TRAFD1: variants seen among roughly 807,000 people sequenced by gnomAD.
TRAFD1 encodes the protein TRAF-type zinc finger domain containing 1.
In TRAFD1, 38 loss-of-function variants were observed where a neutral mutation model predicts 65.3. The ratio of observed to expected loss-of-function variants is 0.58; its 90% CI spans 0.45 to 0.76. TRAFD1 has a LOEUF of 0.76. TRAFD1 is among the 30% of genes least tolerant of loss of function. The probability of loss-of-function intolerance (pLI) is 0.00; values close to 1 mark genes in which losing one functional copy is unlikely to be tolerated. For synonymous variants in TRAFD1, 223 were observed against 257.2 expected, an observed-to-expected ratio of 0.87 and a Z score of 1.27; for missense variants, 631 against 712.6, an observed-to-expected ratio of 0.89 and a Z score of 1.30.
rs2079563304 is a variant in TRAFD1, at chr12:112,130,709, T to G, written c.47+140T>G. ...TCTATTTTGGTGTTTATAACCCACATGAATTACAAGAAAGAGCATCTCTTT... is the reference window on the plus strand; with the variant it reads ...TCTATTTTGGTGTTTATAACCCACAGGAATTACAAGAAAGAGCATCTCTTT... On this transcript the variant is annotated intron_variant, in intron 2 of 11. Transcript: ENST00000412615. This position sits in a 1 kb window ranked among gnomAD's most constrained non-coding sequence, Gnocchi z 4.4. 1.7e-6 allele frequency: 1 copy of G among 573,292 alleles called. No individual in the cohort carries two copies. The highest frequency in any genetic ancestry group is 2.9e-5 in the South Asian group (1 of 34,832). The allele number at this position is 573,292 out of a possible 1,614,324, so 35.5% of individuals were successfully genotyped here.
Position 112,130,531 on chromosome 12 carries a change from A to G in TRAFD1, c.9A>G (p.Glu3=), listed in dbSNP as rs1669105635. 6.2e-7 allele frequency: 1 copy of G among 1,613,156 alleles called. No homozygotes were observed. Among genetic ancestry groups the G allele is most frequent in the Admixed American group, 1.7e-5 (1 of 59,984 alleles). The change falls in exon 2 of 12, where the codon GAA becomes GAG. Residue 3 remains glutamate, a synonymous_variant. Transcript: ENST00000412615. This position sits in a 1 kb window ranked among gnomAD's most constrained non-coding sequence, Gnocchi z 4.4. MA[E]FLDDQETRLC... ...TTCAGGAAGAGCTAAAGATGGCTGA[A>G]TTTCTAGATGACCAGGAAACTCGAC...
chr12:112,127,487 TCTCA>T (rs2079545301), intron 1 of TRAFD1, among the ~76,000 whole-genome samples: 1 of 152,080 alleles, frequency 6.6e-6, no homozygotes, highest in Non-Finnish European at 1.5e-5. Context: ...TGAGACAGGG[TCTCA>T]CTCTGTCACC....
rs1459190083 is a variant in TRAFD1 at position 112,141,191 on chromosome 12, A to T, written c.610A>T (p.Ile204Phe). 2 of 1,614,054 alleles carry T rather than the reference A, an allele frequency of 1.2e-6. No homozygotes were observed. The highest frequency in any genetic ancestry group is 2.7e-5 in the African/African-American group (2 of 74,936). The change falls in exon 5 of 12, where the codon ATT becomes TTT. Residue 204 changes from isoleucine to phenylalanine, a missense_variant. Ile to Phe is a conservative substitution (Grantham distance 21, BLOSUM62 0). Transcript: ENST00000412615. The stretch of plus-strand genomic sequence containing the variant: ...CAATAGAACTACCAACCAAAGGAAC[A>T]TTACAGCCCAGGTTTCAATTCAGAA... ...FHNRTTNQRN[I>F]TAQVSIQNNL... is the part of the protein sequence containing the mutation.
intron 2 of TRAFD1, among the ~76,000 whole-genome samples, chr12:112,133,707 CTTTTTTTT>C (rs1294001209): frequency 7.4e-6 from 1 of 135,604 alleles, no homozygotes; most frequent in Non-Finnish European, 1.6e-5. Flanking sequence ...GGATTTAGTT[CTTTTTTTT>C]TTTTTTTTTG....
At chr12:112,147,268 A>G (rs775045882) in intron 7 of TRAFD1, among the ~76,000 whole-genome samples, 19 of 152,210 alleles carry the variant, frequency 1.2e-4, no homozygotes, top group South Asian at 1.0e-3. Flanking sequence ...AAGTGCTGAG[A>G]TTACAGGCGT....
chr12:112,146,987 GTTTTTTTTTTTTTTTT>G (rs547077120), intron 7 of TRAFD1, among the ~76,000 whole-genome samples: 3 of 52,512 alleles, frequency 5.7e-5, no homozygotes, highest in Admixed American at 1.9e-4. Context: ...GGGAACTTCT[GTTTTTTTTTTTTTTTT>G]TTTTTTTTTT....
At position 112,142,194 on chromosome 12, in the gene TRAFD1, A is replaced by G. The variant is rs138174173; in HGVS notation, c.749A>G (p.Asn250Ser). 2.5e-6 allele frequency: 4 copies of G among 1,613,908 alleles called. No individual in the cohort carries two copies. The highest frequency in any genetic ancestry group is 3.4e-6 in the Non-Finnish European group (4 of 1,179,984). Residue 250 changes from asparagine (N) to serine (S), a missense_variant, in exon 6 of 12, where the codon AAT (asparagine) becomes AGT (serine). Asn to Ser is a conservative substitution (Grantham distance 46). Transcript: ENST00000412615. ...TTCATGTTGGCCCTAAGTCTGCAAAATGAAGGCCAAGCCTCCAGTGTGGCA... is the reference window on the plus strand; with the variant it reads ...TTCATGTTGGCCCTAAGTCTGCAAAGTGAAGGCCAAGCCTCCAGTGTGGCA... Reference protein sequence around the residue: ...LDFMLALSLQNEGQASSVAEQ... With the variant: ...LDFMLALSLQSEGQASSVAEQ...
At chr12:112,136,446 A>AT (rs927612948) in intron 4 of TRAFD1, among the ~76,000 whole-genome samples, 3 of 151,076 alleles carry the variant, frequency 2.0e-5, no homozygotes, top group Admixed American at 6.6e-5. Context: ...TGCCTGGCTA[A>AT]TTTTTTTTGT....
Position 112,140,926 on chromosome 12 carries a change from A to C in TRAFD1, c.345A>C (p.Leu115=), listed in dbSNP as rs764050238. The C allele has an allele frequency of 3.1e-6, 5 of 1,614,078 alleles. No homozygotes were observed. Among genetic ancestry groups the C allele is most frequent in the Non-Finnish European group, 4.2e-6 (5 of 1,180,048 alleles). The change falls in exon 5 of 12, where the codon CTA becomes CTC. Residue 115 remains leucine, a synonymous_variant. Transcript: ENST00000412615. ...ATTATTGTGGTGCCCGGACGGAACT[A>C]TGTGGCAACTGTGGTCGCAATGTCC... is the stretch of plus-strand genomic sequence containing the variant. ...HEDYCGARTE[L]CGNCGRNVLV...
In TRAFD1 at chr12:112,151,818, T is replaced by A; in HGVS notation, c.1297T>A (p.Tyr433Asn). Residue 433 changes from tyrosine to asparagine, a missense_variant, in exon 10 of 12, where the codon TAC (tyrosine) becomes AAC (asparagine). Tyr to Asn is a moderately radical substitution (Grantham distance 143). Transcript: ENST00000412615. ...VRHQGDLSSGYLDDTKQETAN... is the reference protein window; with the variant it reads ...VRHQGDLSSGNLDDTKQETAN... ...CTTCTCAGGAGACCTGTCTTCTGGTTACCTGGATGATACTAAGCAGGAAAC... is the reference window on the plus strand; with the variant it reads ...CTTCTCAGGAGACCTGTCTTCTGGTAACCTGGATGATACTAAGCAGGAAAC... The A allele has an allele frequency of 6.2e-7, 1 of 1,613,236 alleles. No individual in the cohort carries two copies. Among genetic ancestry groups the A allele is most frequent in the Non-Finnish European group, 8.5e-7 (1 of 1,179,244 alleles).
At chr12:112,149,634 T>C in intron 8 of TRAFD1, 117 bp from the exon 9 acceptor site, 1 of 1,410,592 alleles carries the variant, frequency 7.1e-7, no homozygotes. Context: ...CCCAGAACTT[T>C]CAGAGGTTGT....
Position 112,135,048 on chromosome 12 carries a change from G to A in TRAFD1, c.219G>A (p.Arg73=). 1 of 1,614,204 alleles carries A rather than the reference G, an allele frequency of 6.2e-7. No individual in the cohort carries two copies. The highest frequency in any genetic ancestry group is 8.5e-7 in the Non-Finnish European group (1 of 1,180,028). The change falls in exon 4 of 12, where the codon AGG becomes AGA. Residue 73 remains arginine (R), a synonymous_variant. Transcript: ENST00000412615. The stretch of plus-strand genomic sequence containing the variant: ...AATGTAACAAGAAGTTGGAGAAGAG[G>A]CTGTTAAAGAAGCATGAGGTTAGTC... The part of the protein sequence containing the change: ...TCKCNKKLEK[R]LLKKHEETEC...
At chr12:112,148,694 T>C (rs1458892628) in intron 8 of TRAFD1, among the ~76,000 whole-genome samples, 2 of 152,232 alleles carry the variant, frequency 1.3e-5, no homozygotes, top group Admixed American at 6.5e-5. Flanking sequence ...GGTTTTGTCC[T>C]GTGGATGACC....
chr12:112,143,531 G>C (rs560029503), intron 6 of TRAFD1, among the ~76,000 whole-genome samples: 1 of 151,556 alleles, frequency 6.6e-6, no homozygotes, highest in South Asian at 2.1e-4. Context: ...AGCCATTCTG[G>C]GTAATTTCTT....
chr12:112,149,875 T>C lies in TRAFD1; in HGVS notation c.1279+4T>C. The C allele has an allele frequency of 6.2e-7, 1 of 1,614,012 alleles. No homozygotes were observed. The highest frequency in any genetic ancestry group is 8.5e-7 in the Non-Finnish European group (1 of 1,179,922). Reference sequence around the variant, plus strand: ...AGGAGGCGTGTCAGACACCAGGGTATTTATTAGCCAGGACTCAGCCAAGGC... The same window carrying C: ...AGGAGGCGTGTCAGACACCAGGGTACTTATTAGCCAGGACTCAGCCAAGGC... On this transcript the variant is annotated splice_donor_region_variant and intron_variant, in intron 9 of 11. Transcript: ENST00000412615.
chr12:112,138,357 C>CT (rs2029976646), intron 4 of TRAFD1, among the ~76,000 whole-genome samples: 1 of 152,130 alleles, frequency 6.6e-6, no homozygotes, highest in African/African-American at 2.4e-5. Flanking sequence ...CAAGACCAGC[C>CT]TGGTCAACAT....
At chr12:112,151,213 G>A (rs993311100) in intron 9 of TRAFD1, among the ~76,000 whole-genome samples, 6 of 151,928 alleles carry the variant, frequency 3.9e-5, no homozygotes, top group Admixed American at 3.9e-4. Flanking sequence ...ACTCCAGTCT[G>A]GGCGACAGAG....
chr12:112,127,933 G>C (rs1177006044), intron 1 of TRAFD1, among the ~76,000 whole-genome samples: 1 of 151,820 alleles, frequency 6.6e-6, no homozygotes, highest in Non-Finnish European at 1.5e-5. Flanking sequence ...GAACTCCTGA[G>C]CTCAAGTGAT....
At chr12:112,151,259 G>A (rs2030395946) in intron 9 of TRAFD1, among the ~76,000 whole-genome samples, 1 of 151,984 alleles carries the variant, frequency 6.6e-6, no homozygotes, top group Non-Finnish European at 1.5e-5. Context: ...TATTTTTCAA[G>A]GTTTGCTTGC....
Sources: gnomAD v4.1 joint callset for allele counts (sites outside exome capture counted in the v4.1 genomes callset) on GRCh38, gnomAD v4.1.1 for gene constraint, Gnocchi (gnomAD v3.1) non-coding constraint, MANE v1.5 for transcripts, NCBI Gene and HGNC (gene_info 2026-07-23, HGNC 2026-07-21) for gene names.